The following DISC1 variants were observed in gnomAD, a reference collection of about 807,000 sequenced individuals.
DISC1 encodes the protein disrupted in schizophrenia 1 protein.
DISC1 carries 57 observed loss-of-function variants against 84.5 expected under a neutral mutation model. The ratio of observed to expected loss-of-function variants is 0.67; its 90% CI spans 0.55 to 0.84. The LOEUF (loss-of-function observed/expected upper bound fraction) is 0.84. DISC1 is among the 40% of genes least tolerant of loss of function. The pLI is 0.00. For missense variants in DISC1, 1,000 were observed against 1,057.8 expected (o/e 0.95, Z 0.76); for synonymous variants, 411 against 415.2 (o/e 0.99, Z 0.12).
At position 231,818,759 on chromosome 1, in the gene DISC1, G is replaced by A. The variant is rs2081275210; in HGVS notation, c.1981+242G>A. ...CTTTTTCTGTTCCCTGTCTCAACCTGTGTTTGCTAATAGCCTTGTTATTAT... is the reference window on the plus strand; with the variant it reads ...CTTTTTCTGTTCCCTGTCTCAACCTATGTTTGCTAATAGCCTTGTTATTAT... On this transcript the variant is annotated intron_variant, in intron 9 of 12. Coordinates refer to ENST00000439617, the MANE Select transcript of DISC1 (RefSeq NM_018662.3). 2.9e-6 allele frequency: 4 copies of A among 1,363,166 alleles called. No homozygotes were observed. The South Asian group carries it at 5.0e-5, about 17-fold the overall frequency. 84.4% of individuals were successfully genotyped at this position (1,363,166 alleles called of 1,614,324 possible). A position where few individuals can be genotyped will look rare whatever the true frequency, so the allele number is the denominator to read the frequency against.
At chr1:232,033,292 G>A (rs1413763996) in intron 12 of DISC1, among the ~76,000 whole-genome samples, 1 of 152,084 alleles carries the variant, frequency 6.6e-6, no homozygotes, top group Non-Finnish European at 1.5e-5. Context: ...ATATGCTCTT[G>A]GTTGTATCTG....
intron 11 of DISC1, among the ~76,000 whole-genome samples, chr1:232,015,764 TG>T (rs1668439310): frequency 6.6e-6 from 1 of 152,234 alleles, no homozygotes; most frequent in Non-Finnish European, 1.5e-5. Flanking sequence ...CTTACTGCAC[TG>T]CCTTTTTCAG....
chr1:231,775,025 G>T (rs563938324), intron 6 of DISC1, among the ~76,000 whole-genome samples: 21 of 152,202 alleles, frequency 1.4e-4, no homozygotes, highest in Non-Finnish European at 2.6e-4. Flanking sequence ...AGGCCAGATG[G>T]AGAGAGCCAG....
At chr1:231,653,253 G>T (rs938543452) in intron 1 of DISC1, among the ~76,000 whole-genome samples, 16 of 152,218 alleles carry the variant, frequency 1.1e-4, no homozygotes, top group African/African-American at 3.9e-4. Context: ...CACCTCAGAA[G>T]TTTATTTCTC....
intron 6 of DISC1, chr1:231,774,566 G>A (rs555894191): frequency 6.3e-5 from 24 of 380,362 alleles, no homozygotes; most frequent in South Asian, 3.5e-4. Flanking sequence ...GGGAGGTATC[G>A]CCGCATCTGG....
At chr1:231,757,220 T>C (rs954919282) in intron 4 of DISC1, among the ~76,000 whole-genome samples, 9 of 152,202 alleles carry the variant, frequency 5.9e-5, no homozygotes, top group African/African-American at 2.2e-4. Context: ...AGCTATGGAC[T>C]TCCTCTATTG....
chr1:231,964,861 G>A (rs969363926), intron 10 of DISC1, among the ~76,000 whole-genome samples: 8 of 152,334 alleles, frequency 5.3e-5, no homozygotes, highest in East Asian at 1.9e-4. Flanking sequence ...ACTGTTCAGC[G>A]TTTCTTGGTC....
chr1:231,695,826 ATC>A (rs1214295968), intron 2 of DISC1, among the ~76,000 whole-genome samples: 1 of 152,104 alleles, frequency 6.6e-6, no homozygotes, highest in East Asian at 1.9e-4. Flanking sequence ...CCGAAAGAGC[ATC>A]TCCCATCTGT....
chr1:231,756,127 C>A (rs2075087915), intron 4 of DISC1, among the ~76,000 whole-genome samples: 1 of 152,172 alleles, frequency 6.6e-6, no homozygotes, highest in African/African-American at 2.4e-5. Context: ...TTATATGTTA[C>A]CCCCATGTTC....
At position 231,773,407 on chromosome 1, in the gene DISC1, T is replaced by C. The variant is rs150469762; in HGVS notation, c.1634+2337T>C. 5.5e-3 allele frequency among the ~76,000 whole-genome samples: 830 copies of C among 152,278 alleles called. 6 individuals carry two copies. The highest frequency in any genetic ancestry group is 0.019 in the African/African-American group (772 of 41,564). On this transcript the variant is annotated intron_variant, in intron 6 of 12. Coordinates refer to ENST00000439617, the MANE Select transcript of DISC1 (RefSeq NM_018662.3). Reference sequence around the variant, plus strand: ...GTTTGTTTGTTTGTATGTTTTGAGATAGAGTCTCTCTCTGTCACCCAGGCT... The same window carrying C: ...GTTTGTTTGTTTGTATGTTTTGAGACAGAGTCTCTCTCTGTCACCCAGGCT...
rs113520272 is a variant in DISC1 at position 231,675,149 on chromosome 1, G to A, written c.68-18677G>A. 2.6e-3 allele frequency among the ~76,000 whole-genome samples: 391 copies of A among 152,176 alleles called. 1 individual carries two copies. Among genetic ancestry groups the A allele is most frequent in the Non-Finnish European group, 4.5e-3 (306 of 68,018 alleles). ...GAAAAGCTGAGACCCTTGATACTCT[G>A]CACACGGCTAGTATGGGCTTTATAC... On this transcript the variant is annotated intron_variant, in intron 1 of 12. Coordinates refer to ENST00000439617, the MANE Select transcript of DISC1 (RefSeq NM_018662.3). The surrounding 1 kb of genome is among the most constrained non-coding windows in gnomAD (Gnocchi z 4.1).
intron 3 of DISC1, among the ~76,000 whole-genome samples, chr1:231,707,635 G>T (rs1311241903): frequency 1.3e-5 from 2 of 152,138 alleles, no homozygotes; most frequent in African/African-American, 4.8e-5. Flanking sequence ...TTACAGAATT[G>T]TAAATTCTCC....
intron 11 of DISC1, among the ~76,000 whole-genome samples, chr1:232,010,569 T>C (rs997982326): frequency 6.6e-6 from 1 of 152,098 alleles, no homozygotes; most frequent in Non-Finnish European, 1.5e-5. Flanking sequence ...CCTTTACCCA[T>C]CTAAAGGTTC....
chr1:231,695,523 T>C (rs183198370), intron 2 of DISC1, among the ~76,000 whole-genome samples: 1 of 152,290 alleles, frequency 6.6e-6, no homozygotes, highest in Non-Finnish European at 1.5e-5. Context: ...CAGGTAGAGA[T>C]GCTCTGTGGC....
Position 231,675,173 on chromosome 1 carries a change from A to G in DISC1, c.68-18653A>G, listed in dbSNP as rs995672409. On this transcript the variant is annotated intron_variant, in intron 1 of 12. Coordinates refer to ENST00000439617, the MANE Select transcript of DISC1 (RefSeq NM_018662.3). The surrounding 1 kb of genome is among the most constrained non-coding windows in gnomAD (Gnocchi z 4.1). ...TGCACACGGCTAGTATGGGCTTTAT[A>G]CAGATTCAGAGACATCCATGTGTGT... is the stretch of plus-strand genomic sequence containing the variant. 3.3e-5 allele frequency among the ~76,000 whole-genome samples: 5 copies of G among 152,046 alleles called. No individual in the cohort carries two copies. The highest frequency in any genetic ancestry group is 1.2e-4 in the African/African-American group (5 of 41,382).
At chr1:231,802,197 A>G (rs1262952535) in intron 8 of DISC1, among the ~76,000 whole-genome samples, 1 of 152,104 alleles carries the variant, frequency 6.6e-6, no homozygotes, top group African/African-American at 2.4e-5. Flanking sequence ...CCCAAATCTC[A>G]TCTCAAATTG....
chr1:231,681,520 C>T (rs904352922), intron 1 of DISC1, among the ~76,000 whole-genome samples: 6 of 152,122 alleles, frequency 3.9e-5, no homozygotes, highest in Middle Eastern at 3.4e-3. Context: ...CCTTGAACTC[C>T]ACCTCCCTGG....
chr1:231,663,380 C>CAGT (rs2061721527), intron 1 of DISC1, among the ~76,000 whole-genome samples: 1 of 152,126 alleles, frequency 6.6e-6, no homozygotes, highest in African/African-American at 2.4e-5. Flanking sequence ...CTGAATAATG[C>CAGT]AGTATGTGGG....
intron 1 of DISC1, among the ~76,000 whole-genome samples, chr1:231,648,958 TA>T (rs1263313838): frequency 1.3e-5 from 2 of 152,332 alleles, no homozygotes; most frequent in Admixed American, 6.5e-5. Flanking sequence ...TTTTCTTCTT[TA>T]TTAGTCTTGC....
Sources: gnomAD v4.1 joint callset for allele counts (sites outside exome capture counted in the v4.1 genomes callset) on GRCh38, gnomAD v4.1.1 for gene constraint, Gnocchi (gnomAD v3.1) non-coding constraint, MANE v1.5 for transcripts, NCBI Gene and HGNC (gene_info 2026-07-23, HGNC 2026-07-21) for gene names.